Variants in ADGRB3 observed in about 807,000 individuals in gnomAD.
ADGRB3 encodes the protein brain-specific angiogenesis inhibitor 3.
A neutral mutation model predicts 193.4 loss-of-function variants in ADGRB3; 37 were observed. The observed-to-expected ratio is 0.19, with a 90% confidence interval of 0.15 to 0.25. The LOEUF is 0.25. ADGRB3 is among the 10% of genes least tolerant of loss of function. The pLI is 1.00. For missense variants in ADGRB3, 1,637 were observed against 1,852.9 expected (o/e 0.88, Z 2.14); for synonymous variants, 690 against 644.2 (o/e 1.07, Z -1.08).
intron 11 of ADGRB3, among the ~76,000 whole-genome samples, chr6:68,994,335 TTAACTG>T: frequency 6.6e-6 from 1 of 152,272 alleles, no homozygotes; most frequent in Middle Eastern, 3.4e-3. Flanking sequence ...TGAAAACACA[TTAACTG>T]TAACATGCAA....
chr6:69,181,376 ACATTATT>A (rs1561944450), intron 17 of ADGRB3, among the ~76,000 whole-genome samples: 2 of 152,188 alleles, frequency 1.3e-5, no homozygotes, highest in Admixed American at 1.3e-4. Context: ...TTAAAAAAAT[ACATTATT>A]CCAGTCAGAC....
chr6:69,166,041 T>TA (rs780554084), intron 17 of ADGRB3, among the ~76,000 whole-genome samples: 44 of 152,216 alleles, frequency 2.9e-4, no homozygotes, highest in Non-Finnish European at 5.0e-4. Context: ...TGACTACTCT[T>TA]ACCGTTGTAC....
chr6:69,097,485 C>T (rs1772915844), intron 17 of ADGRB3, among the ~76,000 whole-genome samples: 1 of 152,036 alleles, frequency 6.6e-6, no homozygotes, highest in South Asian at 2.1e-4. Context: ...TATATCTAAC[C>T]ATTCATGTCT....
At chr6:69,242,245 G>A (rs1766399380) in intron 20 of ADGRB3, among the ~76,000 whole-genome samples, 1 of 151,856 alleles carries the variant, frequency 6.6e-6, no homozygotes, top group Admixed American at 6.6e-5. Context: ...TTTTGAAAAT[G>A]TAAAATATTG....
chr6:68,728,630 T>G (rs1400500213), intron 3 of ADGRB3, among the ~76,000 whole-genome samples: 2 of 151,534 alleles, frequency 1.3e-5, no homozygotes, highest in Non-Finnish European at 3.0e-5. Flanking sequence ...TATATACAGA[T>G]GTAGATATAG....
chr6:69,349,582 GTCTT>G (rs1160548117), intron 26 of ADGRB3, among the ~76,000 whole-genome samples: 3 of 152,176 alleles, frequency 2.0e-5, no homozygotes, highest in East Asian at 3.9e-4. Flanking sequence ...AAATTGAAAA[GTCTT>G]TCATTTCATA....
chr6:69,306,109 G>C (rs981409550), intron 20 of ADGRB3, among the ~76,000 whole-genome samples: 1 of 151,510 alleles, frequency 6.6e-6, no homozygotes, highest in Non-Finnish European at 1.5e-5. Flanking sequence ...TGAGGGTTCA[G>C]TAACCAATCC....
At chr6:68,775,145 T>TAAAAAAAAAAA (rs746086066) in intron 3 of ADGRB3, among the ~76,000 whole-genome samples, 134 of 115,626 alleles carry the variant, frequency 1.2e-3, no homozygotes, top group South Asian at 3.3e-3. Flanking sequence ...AGCTGCTTGT[T>TAAAAAAAAAAA]AAAAAAAAAA....
At chr6:69,370,109 C>A (rs1259764113) in intron 29 of ADGRB3, among the ~76,000 whole-genome samples, 7 of 152,130 alleles carry the variant, frequency 4.6e-5, no homozygotes, top group Non-Finnish European at 1.0e-4. Context: ...GTTTGAATCC[C>A]AACTCATTTG....
Position 69,062,924 on chromosome 6 carries a change from T to G in ADGRB3, c.2334-10T>G. 6.3e-7 allele frequency: 1 copy of G among 1,580,294 alleles called. No individual in the cohort carries two copies. The highest frequency in any genetic ancestry group is 1.7e-5 in the Admixed American group (1 of 59,692). ...CATTTCTCCTTTTAATTATAATTAC[T>G]CTGTTGCAGAAATTATACTGTCATT... On this transcript the variant is annotated splice_polypyrimidine_tract_variant and intron_variant, in intron 15 of 31. Coordinates refer to ENST00000370598, the MANE Select transcript of ADGRB3 (RefSeq NM_001704.3).
chr6:68,901,673 C>T (rs1455224404), intron 3 of ADGRB3, among the ~76,000 whole-genome samples: 1 of 152,034 alleles, frequency 6.6e-6, no homozygotes, highest in Non-Finnish European at 1.5e-5. Context: ...GGAAAAAAGT[C>T]ATACATTAAA....
intron 3 of ADGRB3, among the ~76,000 whole-genome samples, chr6:68,657,573 A>T (rs1768520852): frequency 6.6e-6 from 1 of 151,418 alleles, no homozygotes; most frequent in African/African-American, 2.4e-5. Flanking sequence ...GTGATCAAGC[A>T]GCTGGCCATG....
chr6:69,056,281 A>G (rs1007550631), intron 15 of ADGRB3, among the ~76,000 whole-genome samples: 1 of 152,060 alleles, frequency 6.6e-6, no homozygotes, highest in African/African-American at 2.4e-5. Flanking sequence ...AAAAATGTCT[A>G]TTCAAGTCTT....
chr6:69,369,661 G>T (rs1328724), intron 29 of ADGRB3, among the ~76,000 whole-genome samples: 5,112 of 142,552 alleles, frequency 0.036, 150 homozygotes, highest in Admixed American at 0.1. Flanking sequence ...TCATGCCACT[G>T]AACCCCGGCC....
chr6:69,092,944 G>A (rs746271022), intron 17 of ADGRB3, among the ~76,000 whole-genome samples: 15 of 147,748 alleles, frequency 1.0e-4, no homozygotes, highest in South Asian at 2.2e-4. Flanking sequence ...GTGGGCAGCC[G>A]AGATTCAGGG....
intron 17 of ADGRB3, among the ~76,000 whole-genome samples, chr6:69,176,126 A>G (rs771338198): frequency 4.6e-5 from 7 of 151,918 alleles, no homozygotes; most frequent in Non-Finnish European, 1.0e-4. Context: ...GATGCCTTTT[A>G]TTTTTTTCTT....
chr6:68,879,965 A>T (rs1208936961), intron 3 of ADGRB3, among the ~76,000 whole-genome samples: 1 of 152,256 alleles, frequency 6.6e-6, no homozygotes, highest in Non-Finnish European at 1.5e-5. Context: ...GACCAATTGC[A>T]TCAAAATGTG....
intron 20 of ADGRB3, among the ~76,000 whole-genome samples, chr6:69,261,519 A>T (rs999139423): frequency 1.9e-4 from 29 of 152,104 alleles, no homozygotes; most frequent in African/African-American, 7.0e-4. Flanking sequence ...AAAATTGTAG[A>T]GCCTCAGTAA....
At chr6:69,256,057 T>C (rs932949766) in intron 20 of ADGRB3, among the ~76,000 whole-genome samples, 10 of 151,904 alleles carry the variant, frequency 6.6e-5, no homozygotes, top group African/African-American at 2.4e-4. Context: ...GTTCCATTGA[T>C]CTATATCTCT....
Sources: allele counts gnomAD v4.1 joint callset (sites outside exome capture counted in the v4.1 genomes callset), GRCh38; gene constraint gnomAD v4.1.1; transcripts MANE v1.5; gene names NCBI Gene and HGNC (gene_info 2026-07-23, HGNC 2026-07-21).